The following NAALADL2 variants were observed in gnomAD, a reference collection of about 807,000 sequenced individuals.
NAALADL2 encodes inactive N-acetylated-alpha-linked acidic dipeptidase-like protein 2.
In NAALADL2, 76 loss-of-function variants were observed where a neutral mutation model predicts 87.2. That is an observed-to-expected ratio of 0.87 (90% CI 0.72 to 1.05). The LOEUF (loss-of-function observed/expected upper bound fraction) is 1.05, where lower values mean the gene tolerates loss of function less well. Among genes scored for constraint, NAALADL2 ranks in the 50% least tolerant of loss-of-function variants. The pLI, the probability that NAALADL2 is intolerant of heterozygous loss-of-function variation, is 0.00. For synonymous variants in NAALADL2, 354 were observed against 331.0 expected (o/e 1.07, Z -0.75); for missense variants, 1,089 against 945.8 (o/e 1.15, Z -1.99).
intron 2 of NAALADL2, among the ~76,000 whole-genome samples, chr3:175,212,048 A>G (rs1741845766): frequency 6.6e-6 from 1 of 152,038 alleles, no homozygotes; most frequent in African/African-American, 2.4e-5. Flanking sequence ...TAACTGTTGT[A>G]ATGTTTTGTT....
chr3:175,517,093 C>T (rs1003382231), intron 9 of NAALADL2, among the ~76,000 whole-genome samples: 2 of 152,146 alleles, frequency 1.3e-5, no homozygotes, highest in Non-Finnish European at 2.9e-5. Flanking sequence ...ACAATTCAAT[C>T]TTTACCTATT....
chr3:175,050,385 C>T (rs1466008420), intron 1 of NAALADL2, among the ~76,000 whole-genome samples: 1 of 152,128 alleles, frequency 6.6e-6, no homozygotes, highest in Non-Finnish European at 1.5e-5. Flanking sequence ...GCTCAGCCTC[C>T]CGAGTAGCTG....
intron 11 of NAALADL2, among the ~76,000 whole-genome samples, chr3:175,696,969 C>G (rs763062416): frequency 6.6e-6 from 1 of 152,056 alleles, no homozygotes; most frequent in Non-Finnish European, 1.5e-5. Flanking sequence ...GAGGGTGGCA[C>G]ACTCATGACC....
intron 2 of NAALADL2, among the ~76,000 whole-genome samples, chr3:175,185,243 A>C (rs993755904): frequency 1.3e-5 from 2 of 152,100 alleles, no homozygotes; most frequent in African/African-American, 4.8e-5. Context: ...GATCCTATCT[A>C]TACAGCTGAA....
intron 3 of NAALADL2, among the ~76,000 whole-genome samples, chr3:175,251,531 A>T (rs1749067014): frequency 6.6e-6 from 1 of 152,208 alleles, no homozygotes; most frequent in Non-Finnish European, 1.5e-5. Context: ...AGAGACCAGT[A>T]AGATGTGTCT....
chr3:175,131,684 G>A (rs934180719), intron 2 of NAALADL2, among the ~76,000 whole-genome samples: 9 of 152,218 alleles, frequency 5.9e-5, no homozygotes, highest in East Asian at 1.9e-4. Flanking sequence ...GGTGGTGGCC[G>A]GGCAGAGGGT....
intron 1 of NAALADL2, among the ~76,000 whole-genome samples, chr3:175,020,063 C>G (rs921695648): frequency 1.3e-5 from 2 of 151,958 alleles, no homozygotes; most frequent in South Asian, 4.1e-4. Context: ...CAAACAGGAG[C>G]AAATGAATTA....
intron 3 of NAALADL2, among the ~76,000 whole-genome samples, chr3:174,819,169 ATCT>A (rs1310467691): frequency 7.4e-6 from 1 of 135,132 alleles, no homozygotes; most frequent in Non-Finnish European, 1.5e-5. Flanking sequence ...GGCTCAAGTG[ATCT>A]TCTTGCCTTA....
intron 13 of NAALADL2, among the ~76,000 whole-genome samples, chr3:175,762,192 A>ATTTTTTTTTTTTTTTTT (rs55668165): frequency 5.3e-5 from 6 of 114,132 alleles, no homozygotes; most frequent in Non-Finnish European, 6.8e-5. Flanking sequence ...CTGTGTTTCG[A>ATTTTTTTTTTTTTTTTT]TTTTTTTTTT....
At chr3:174,950,478 A>C (rs78464400) in intron 1 of NAALADL2, among the ~76,000 whole-genome samples, 5,187 of 152,248 alleles carry the variant, frequency 0.034, 100 homozygotes, top group South Asian at 0.069. Flanking sequence ...ATTTTGTGTC[A>C]TAGCCAAAAA....
intron 1 of NAALADL2, among the ~76,000 whole-genome samples, chr3:174,469,104 G>C (rs1457635919): frequency 6.6e-6 from 1 of 152,112 alleles, no homozygotes. Flanking sequence ...AAGCCTTTAA[G>C]TTATTTGAGA....
chr3:174,482,039 A>G (rs1312179671), intron 1 of NAALADL2, among the ~76,000 whole-genome samples: 2 of 152,100 alleles, frequency 1.3e-5, no homozygotes, highest in Admixed American at 6.6e-5. Flanking sequence ...GTTCCTAGAT[A>G]CCAGCCAAGG....
At chr3:174,892,543 T>A (rs1392323638) in intron 1 of NAALADL2, among the ~76,000 whole-genome samples, 1 of 152,118 alleles carries the variant, frequency 6.6e-6, no homozygotes. Flanking sequence ...TTTAATAGTA[T>A]ATATGGAAAG....
At chr3:175,574,594 G>A (rs2149551895) in intron 9 of NAALADL2, among the ~76,000 whole-genome samples, 1 of 152,130 alleles carries the variant, frequency 6.6e-6, no homozygotes, top group African/African-American at 2.4e-5. Context: ...TCTGGCTCAG[G>A]GTGTAAAGCA....
At chr3:175,471,787 A>G in intron 9 of NAALADL2, 29 bp downstream of exon 9, 1 of 1,562,104 alleles carries the variant, frequency 6.4e-7, no homozygotes, top group Non-Finnish European at 8.6e-7. Context: ...GTATCAAATG[A>G]TTATGCAAAA....
At chr3:175,684,362 C>G (rs1365524673) in intron 11 of NAALADL2, among the ~76,000 whole-genome samples, 1 of 152,068 alleles carries the variant, frequency 6.6e-6, no homozygotes, top group Non-Finnish European at 1.5e-5. Context: ...CAATACAAGT[C>G]TAATACTCAT....
chr3:174,868,588 T>G (rs1470961656), intron 1 of NAALADL2, among the ~76,000 whole-genome samples: 1 of 152,040 alleles, frequency 6.6e-6, no homozygotes, highest in African/African-American at 2.4e-5. Context: ...AAAAAAGAAT[T>G]TGGGAGACAC....
chr3:174,664,374 C>T (rs1725776875), intron 2 of NAALADL2, among the ~76,000 whole-genome samples: 1 of 152,144 alleles, frequency 6.6e-6, no homozygotes, highest in African/African-American at 2.4e-5. Flanking sequence ...CAAATAGTCT[C>T]ACATTGACTG....
At chr3:175,716,453 T>C (rs2085968007) in intron 11 of NAALADL2, among the ~76,000 whole-genome samples, 2 of 151,366 alleles carry the variant, frequency 1.3e-5, no homozygotes, top group African/African-American at 4.9e-5. Flanking sequence ...TTGGGGGAAG[T>C]CGAGAGAAAT....
Sources: gnomAD v4.1 joint callset for allele counts (sites outside exome capture counted in the v4.1 genomes callset) on GRCh38, gnomAD v4.1.1 for gene constraint, MANE v1.5 for transcripts, NCBI Gene and HGNC (gene_info 2026-07-23, HGNC 2026-07-21) for gene names.